NRXN2: variants seen among roughly 807,000 people sequenced by gnomAD.
NRXN2 encodes the protein neurexin-2-beta.
Under a neutral mutation model 128.8 loss-of-function variants are expected in NRXN2, and 29 were observed. That is an observed-to-expected ratio of 0.23 (90% CI 0.17 to 0.31). The LOEUF (loss-of-function observed/expected upper bound fraction) is 0.31. Among genes scored for constraint, NRXN2 ranks in the 10% least tolerant of loss-of-function variants. NRXN2 has a pLI of 1.00. For synonymous variants in NRXN2, 1,098 were observed against 1,075.2 expected (o/e 1.02, Z -0.41); for missense variants, 1,881 against 2,452.6 (o/e 0.77, Z 4.92).
intron 17 of NRXN2, among the ~76,000 whole-genome samples, chr11:64,645,332 G>T (rs2046481732): frequency 6.6e-6 from 1 of 152,068 alleles, no homozygotes; most frequent in Admixed American, 6.5e-5. Flanking sequence ...GGGGGCCAAG[G>T]CTGAGAAGGG....
At chr11:64,616,200 C>T (rs1425981032) in intron 22 of NRXN2, among the ~76,000 whole-genome samples, 2 of 152,164 alleles carry the variant, frequency 1.3e-5, no homozygotes, top group East Asian at 1.9e-4. Flanking sequence ...CATTTGTGTA[C>T]ATGTGGGCAT....
intron 17 of NRXN2, among the ~76,000 whole-genome samples, chr11:64,644,037 A>G (rs978693367): frequency 6.6e-6 from 1 of 152,050 alleles, no homozygotes; most frequent in Non-Finnish European, 1.5e-5. Flanking sequence ...GTGTGCGGGT[A>G]GGCACACAGG....
chr11:64,670,816 G>A (rs1371317732), intron 7 of NRXN2, among the ~76,000 whole-genome samples: 1 of 152,192 alleles, frequency 6.6e-6, no homozygotes, highest in Admixed American at 6.5e-5. Flanking sequence ...CTGCTTCAGC[G>A]CAGGGAAAGG....
intron 22 of NRXN2, among the ~76,000 whole-genome samples, chr11:64,613,867 C>T (rs1399749588): frequency 6.6e-6 from 1 of 152,152 alleles, no homozygotes; most frequent in Non-Finnish European, 1.5e-5. Context: ...AATGCAGTGG[C>T]AAAGCATGTG....
rs541909600 is a variant in NRXN2 at position 64,649,116 on chromosome 11, T to A, written c.3110-209A>T. Among the ~76,000 whole-genome samples, 12 of 152,180 alleles carry A rather than the reference T, an allele frequency of 7.9e-5. No individual in the cohort carries two copies. The South Asian group carries it at 2.5e-3, about 32-fold the overall frequency. On this transcript the variant is annotated intron_variant, in intron 15 of 22. Coordinates refer to ENST00000265459, the MANE Select transcript of NRXN2 (RefSeq NM_015080.4). Reference sequence around the variant, plus strand: ...CCACTTTGCCATCTGCCTGCTCCCCTCCCAGAGAAGCCCAGATGCCTGGGA... The same window carrying A: ...CCACTTTGCCATCTGCCTGCTCCCCACCCAGAGAAGCCCAGATGCCTGGGA...
chr11:64,671,560 T>C (rs1009524984), intron 7 of NRXN2, among the ~76,000 whole-genome samples: 1 of 151,666 alleles, frequency 6.6e-6, no homozygotes, highest in African/African-American at 2.4e-5. Context: ...GAGGGGGCCG[T>C]GCGACACAGA....
chr11:64,708,098 C>CA (rs1333066704), intron 2 of NRXN2, among the ~76,000 whole-genome samples: 4,712 of 128,054 alleles, frequency 0.037, 204 homozygotes, highest in African/African-American at 0.12. Context: ...AACTCCGTCT[C>CA]AAAAAAAAAA....
Position 64,685,667 on chromosome 11 carries a change from C to A in NRXN2, c.1131G>T (p.Arg377=). Residue 377 remains arginine, a synonymous_variant, in exon 6 of 23, where the codon CGG becomes CGT. Coordinates refer to ENST00000265459, the MANE Select transcript of NRXN2 (RefSeq NM_015080.4). ...CTACCTGGCGCAGGTTTCGGGTGAC[C>A]CGGACGTCGTGCCAGGCGTTGTCGT... ...KFNDNAWHDV[R]VTRNLRQHAG... The A allele has an allele frequency of 6.2e-7, 1 of 1,614,212 alleles. No individual in the cohort carries two copies. Among genetic ancestry groups the A allele is most frequent in the Middle Eastern group, 1.6e-4 (1 of 6,062 alleles).
chr11:64,677,107 A>G, intron 6 of NRXN2, 70 bp from the exon 7 acceptor site: 2 of 1,077,672 alleles, frequency 1.9e-6, no homozygotes, highest in Non-Finnish European at 2.8e-6. Flanking sequence ...CAACAACAAA[A>G]GAACAGAATG....
At chr11:64,690,865 C>CA (rs1158272026) in intron 4 of NRXN2, among the ~76,000 whole-genome samples, 1 of 152,170 alleles carries the variant, frequency 6.6e-6, no homozygotes, top group Non-Finnish European at 1.5e-5. Context: ...TTGCCTCCTC[C>CA]ATGAGGCACA....
At chr11:64,711,566 T>C (rs570020202) in intron 2 of NRXN2, among the ~76,000 whole-genome samples, 1 of 152,078 alleles carries the variant, frequency 6.6e-6, no homozygotes, top group South Asian at 2.1e-4. Context: ...TTCACGGTCT[T>C]GGCCAGACTC....
At chr11:64,679,643 A>G (rs2051899921) in intron 6 of NRXN2, among the ~76,000 whole-genome samples, 1 of 152,178 alleles carries the variant, frequency 6.6e-6, no homozygotes, top group Non-Finnish European at 1.5e-5. Flanking sequence ...TCTCAAAAAA[A>G]AAAAGAATCA....
intron 22 of NRXN2, among the ~76,000 whole-genome samples, chr11:64,611,963 A>G (rs2040726921): frequency 7.5e-6 from 1 of 133,432 alleles, no homozygotes; most frequent in Non-Finnish European, 1.6e-5. Context: ...TGTCTCCCAC[A>G]TGGCTTCCTC....
intron 19 of NRXN2, among the ~76,000 whole-genome samples, chr11:64,628,482 C>G (rs1371822762): frequency 6.6e-6 from 1 of 152,192 alleles, no homozygotes; most frequent in Non-Finnish European, 1.5e-5. Flanking sequence ...TGTTACTCCC[C>G]TTTACAGGCG....
At position 64,660,311 on chromosome 11, in the gene NRXN2, A is replaced by G; in HGVS notation, c.2389+21T>C. Reference sequence around the variant, plus strand: ...GACAAGGCCAGGTGAGGGGTCAGGAAGCACAGGGCAGGGTGGTTACCGAGG... The same window carrying G: ...GACAAGGCCAGGTGAGGGGTCAGGAGGCACAGGGCAGGGTGGTTACCGAGG... On this transcript the variant is annotated intron_variant, in intron 11 of 22. Transcript: ENST00000265459. This position sits in a 1 kb window ranked among gnomAD's most constrained non-coding sequence, Gnocchi z 5.2. The G allele has an allele frequency of 6.2e-7, 1 of 1,611,808 alleles. No homozygotes were observed. The highest frequency in any genetic ancestry group is 8.5e-7 in the Non-Finnish European group (1 of 1,179,144).
intron 2 of NRXN2, among the ~76,000 whole-genome samples, chr11:64,702,993 A>C (rs2055719875): frequency 6.7e-6 from 1 of 149,366 alleles, no homozygotes; most frequent in Non-Finnish European, 1.5e-5. Context: ...AAAAAAAAAA[A>C]AGAAAGAAAG....
At chr11:64,608,660 C>T (rs2040114600) in intron 22 of NRXN2, among the ~76,000 whole-genome samples, 1 of 152,174 alleles carries the variant, frequency 6.6e-6, no homozygotes, top group South Asian at 2.1e-4. Context: ...GAAAAAACAA[C>T]TTTTCCGTAC....
At chr11:64,657,224 G>A (rs1192704591) in intron 11 of NRXN2, among the ~76,000 whole-genome samples, 2 of 152,234 alleles carry the variant, frequency 1.3e-5, no homozygotes, top group Non-Finnish European at 2.9e-5. Context: ...GCAAGCAATG[G>A]GGGACAGGAA....
intron 22 of NRXN2, among the ~76,000 whole-genome samples, chr11:64,616,640 C>T (rs1046772516): frequency 6.6e-6 from 1 of 152,216 alleles, no homozygotes; most frequent in Non-Finnish European, 1.5e-5. Flanking sequence ...GGTCTGAACA[C>T]AGATGTGTGT....
Sources: gnomAD v4.1 joint callset for allele counts (sites outside exome capture counted in the v4.1 genomes callset) on GRCh38, gnomAD v4.1.1 for gene constraint, Gnocchi (gnomAD v3.1) non-coding constraint, MANE v1.5 for transcripts, NCBI Gene and HGNC (gene_info 2026-07-23, HGNC 2026-07-21) for gene names.